The following ITGBL1 variants were observed in gnomAD, a reference collection of about 807,000 sequenced individuals.
ITGBL1 encodes the protein integrin subunit beta like 1.
Under a neutral mutation model 68.5 loss-of-function variants are expected in ITGBL1, and 51 were observed. The ratio of observed to expected loss-of-function variants is 0.74; its 90% CI spans 0.59 to 0.94. The LOEUF (loss-of-function observed/expected upper bound fraction) is 0.94, where lower values mean the gene tolerates loss of function less well. Ranked by LOEUF, ITGBL1 falls within the 40% of genes least tolerant of loss-of-function variation. The pLI is 0.00. For missense variants in ITGBL1, 649 were observed against 647.4 expected, an observed-to-expected ratio of 1.00 and a Z score of -0.03; for synonymous variants, 209 against 227.3, an observed-to-expected ratio of 0.92 and a Z score of 0.72.
At chr13:101,486,146 G>A (rs2048699933) in intron 2 of ITGBL1, among the ~76,000 whole-genome samples, 1 of 152,148 alleles carries the variant, frequency 6.6e-6, no homozygotes. Flanking sequence ...ATACACCAGG[G>A]AATACTACTC....
At chr13:101,600,504 C>T (rs2030299150) in intron 7 of ITGBL1, among the ~76,000 whole-genome samples, 1 of 151,888 alleles carries the variant, frequency 6.6e-6, no homozygotes, top group African/African-American at 2.4e-5. Flanking sequence ...GAGGGCATCC[C>T]TGTCTTGTGC....
chr13:101,484,537 C>T (rs986545350), intron 2 of ITGBL1, among the ~76,000 whole-genome samples: 4 of 152,040 alleles, frequency 2.6e-5, no homozygotes, highest in East Asian at 1.9e-4. Context: ...GAAGAAAAAA[C>T]GGTGAATTTG....
intron 7 of ITGBL1, among the ~76,000 whole-genome samples, chr13:101,668,666 AAAAT>A (rs1207917735): frequency 1.3e-5 from 2 of 152,194 alleles, no homozygotes; most frequent in Admixed American, 6.5e-5. Context: ...ATAATTGTTT[AAAAT>A]AAATAGGTGA....
chr13:101,458,364 CAT>C (rs1456414975), intron 2 of ITGBL1, among the ~76,000 whole-genome samples: 2 of 152,182 alleles, frequency 1.3e-5, no homozygotes, highest in African/African-American at 2.4e-5. Context: ...AGCAGAAAAA[CAT>C]GTGGATGTTT....
At chr13:101,678,582 C>T (rs1290588360) in intron 7 of ITGBL1, among the ~76,000 whole-genome samples, 1 of 151,848 alleles carries the variant, frequency 6.6e-6, no homozygotes, top group Non-Finnish European at 1.5e-5. Flanking sequence ...TCACTGCAAC[C>T]TCTGCCTCCT....
At chr13:101,574,339 A>C (rs2050320700) in intron 3 of ITGBL1, among the ~76,000 whole-genome samples, 1 of 151,826 alleles carries the variant, frequency 6.6e-6, no homozygotes, top group Non-Finnish European at 1.5e-5. Context: ...CCTCTTCACC[A>C]TCTCACTTCT....
intron 7 of ITGBL1, among the ~76,000 whole-genome samples, chr13:101,618,284 A>G (rs566038575): frequency 1.4e-4 from 22 of 152,310 alleles, no homozygotes; most frequent in African/African-American, 5.1e-4. Flanking sequence ...ACAAAAAGCT[A>G]TGGTGTTGCT....
Position 101,714,671 on chromosome 13 carries a change from C to G in ITGBL1, c.1393+120C>G. ...AGGGCCAACCGTGAATATGAAATATCTACCAAAGGCGAAGTGGGCATTTGG... is the reference window on the plus strand; with the variant it reads ...AGGGCCAACCGTGAATATGAAATATGTACCAAAGGCGAAGTGGGCATTTGG... On this transcript the variant is annotated intron_variant, in intron 10 of 10. Coordinates refer to ENST00000376180, the MANE Select transcript of ITGBL1 (RefSeq NM_004791.3). 4.5e-6 allele frequency: 3 copies of G among 664,162 alleles called. No homozygotes were observed. In the Admixed American group the frequency reaches 7.1e-5, roughly 16 times the overall value. 41.1% of individuals were successfully genotyped at this position (664,162 alleles called of 1,614,324 possible).
rs79403812 is a variant in ITGBL1 at position 101,686,253 on chromosome 13, T to C, written c.1016-6332T>C. On this transcript the variant is annotated intron_variant, in intron 7 of 10. Transcript: ENST00000376180. Reference sequence around the variant, plus strand: ...AGAATGAAGCAGTTCTAACTAAGCCTCCTTTTCCTCCTCCTTATTCTCCTG... The same window carrying C: ...AGAATGAAGCAGTTCTAACTAAGCCCCCTTTTCCTCCTCCTTATTCTCCTG... 8.7e-3 allele frequency among the ~76,000 whole-genome samples: 1,322 copies of C among 152,248 alleles called. 15 individuals carry two copies. The highest frequency in any genetic ancestry group is 0.03 in the African/African-American group (1,235 of 41,562).
chr13:101,655,714 T>C (rs2032899513), intron 7 of ITGBL1, among the ~76,000 whole-genome samples: 1 of 152,224 alleles, frequency 6.6e-6, no homozygotes, highest in South Asian at 2.1e-4. Context: ...TAGTCACAAC[T>C]CTGATGTGCT....
chr13:101,599,857 A>C (rs372094670), intron 7 of ITGBL1, among the ~76,000 whole-genome samples: 1 of 152,124 alleles, frequency 6.6e-6, no homozygotes, highest in African/African-American at 2.4e-5. Flanking sequence ...GTATAGTTTG[A>C]AGTCAGGTTG....
rs180939226 is a variant in ITGBL1 at position 101,706,628 on chromosome 13, T to C, written c.1133-128T>C. 9.3e-6 allele frequency: 8 copies of C among 860,956 alleles called. No individual in the cohort carries two copies. The East Asian group carries it at 1.6e-4, about 17-fold the overall frequency. 53.3% of individuals were successfully genotyped at this position (860,956 alleles called of 1,614,324 possible). ...TCAAACAATTACATGCCAAATTGAC[T>C]ATGCATAAAGAAGAATGTGTTGGAT... On this transcript the variant is annotated intron_variant, in intron 8 of 10. Transcript: ENST00000376180.
At chr13:101,676,862 T>G (rs192840445) in intron 7 of ITGBL1, among the ~76,000 whole-genome samples, 9 of 152,282 alleles carry the variant, frequency 5.9e-5, no homozygotes, top group East Asian at 1.9e-4. Context: ...CATTACTGGC[T>G]GGGCACACTG....
intron 2 of ITGBL1, among the ~76,000 whole-genome samples, chr13:101,489,011 T>A (rs891654371): frequency 1.3e-5 from 2 of 152,164 alleles, no homozygotes; most frequent in African/African-American, 4.8e-5. Context: ...GGAGGTGTGG[T>A]TATTTTGCCT....
intron 7 of ITGBL1, 71 bp downstream of exon 7, chr13:101,598,370 C>T: frequency 3.4e-6 from 4 of 1,184,502 alleles, no homozygotes; most frequent in Non-Finnish European, 4.4e-6. Flanking sequence ...GCACACACAT[C>T]TTTTTGTTTG....
intron 6 of ITGBL1, among the ~76,000 whole-genome samples, chr13:101,589,401 A>ACTGGTGAC (rs1355845079): frequency 2.7e-4 from 41 of 152,330 alleles, no homozygotes; most frequent in African/African-American, 9.6e-4. Flanking sequence ...TGTCACTTAA[A>ACTGGTGAC]CTGGTGACCA....
At chr13:101,481,540 A>C (rs1159625633) in intron 2 of ITGBL1, among the ~76,000 whole-genome samples, 1 of 152,044 alleles carries the variant, frequency 6.6e-6, no homozygotes, top group Non-Finnish European at 1.5e-5. Flanking sequence ...AAATATTGCA[A>C]GTTCTACAAC....
chr13:101,498,811 G>C (rs2048896090), intron 2 of ITGBL1, among the ~76,000 whole-genome samples: 1 of 152,158 alleles, frequency 6.6e-6, no homozygotes, highest in East Asian at 1.9e-4. Context: ...AGACGTACCT[G>C]AGTCTGGGTA....
At chr13:101,550,182 C>A (rs2049897671) in intron 2 of ITGBL1, among the ~76,000 whole-genome samples, 2 of 152,272 alleles carry the variant, frequency 1.3e-5, no homozygotes, top group East Asian at 3.9e-4. Context: ...TTTTTGTCAA[C>A]ATAGGCCCTG....
Sources: gnomAD v4.1 joint callset for allele counts (sites outside exome capture counted in the v4.1 genomes callset) on GRCh38, gnomAD v4.1.1 for gene constraint, MANE v1.5 for transcripts, NCBI Gene and HGNC (gene_info 2026-07-23, HGNC 2026-07-21) for gene names.